Variants in SGCZ observed in about 807,000 individuals in gnomAD.
SGCZ encodes sarcoglycan zeta.
A neutral mutation model predicts 41.3 loss-of-function variants in SGCZ; 40 were observed. The ratio of observed to expected loss-of-function variants is 0.97; its 90% CI spans 0.75 to 1.26. The LOEUF is 1.26. Ranked by LOEUF, SGCZ falls within the 50% of genes most tolerant of loss-of-function variation. The pLI, the probability that SGCZ is intolerant of heterozygous loss-of-function variation, is 0.00. For synonymous variants in SGCZ, 206 were observed against 137.5 expected (o/e 1.50, Z -3.49); for missense variants, 552 against 369.8 (o/e 1.49, Z -4.04).
At chr8:14,127,224 G>C (rs1336437689) in intron 5 of SGCZ, among the ~76,000 whole-genome samples, 1 of 152,048 alleles carries the variant, frequency 6.6e-6, no homozygotes, top group Non-Finnish European at 1.5e-5. Flanking sequence ...AGAAAGCATA[G>C]GTCTGGTTCC....
chr8:14,202,970 T>C (rs955644894), intron 4 of SGCZ, among the ~76,000 whole-genome samples: 7 of 152,094 alleles, frequency 4.6e-5, no homozygotes, highest in African/African-American at 1.4e-4. Flanking sequence ...GGTGTTCTCG[T>C]GATAGTAAAT....
intron 1 of SGCZ, among the ~76,000 whole-genome samples, chr8:15,065,380 T>C (rs1241386055): frequency 6.6e-6 from 1 of 151,474 alleles, no homozygotes; most frequent in Non-Finnish European, 1.5e-5. Context: ...CTTACTGCTA[T>C]TATATCTATG....
At chr8:14,832,957 T>G (rs62493314) in intron 1 of SGCZ, among the ~76,000 whole-genome samples, 1 of 152,036 alleles carries the variant, frequency 6.6e-6, no homozygotes, top group Non-Finnish European at 1.5e-5. Flanking sequence ...CCATGAATTT[T>G]AAAATATTTC....
intron 1 of SGCZ, among the ~76,000 whole-genome samples, chr8:14,979,573 C>G (rs377692958): frequency 6.6e-6 from 1 of 152,158 alleles, no homozygotes; most frequent in African/African-American, 2.4e-5. Context: ...GAAAACTTTA[C>G]TTGATGTAAA....
chr8:14,993,789 C>G (rs1180587117), intron 1 of SGCZ, among the ~76,000 whole-genome samples: 1 of 152,180 alleles, frequency 6.6e-6, no homozygotes, highest in Admixed American at 6.5e-5. Flanking sequence ...TCAATGTTAA[C>G]AGACGCAAGA....
At chr8:14,174,387 G>C (rs2117007263) in intron 4 of SGCZ, among the ~76,000 whole-genome samples, 1 of 152,178 alleles carries the variant, frequency 6.6e-6, no homozygotes. Flanking sequence ...TTCTGGAGAA[G>C]AAAATGTGTT....
rs1052209251 is a variant in SGCZ at position 14,443,578 on chromosome 8, G to T, written c.234+111154C>A. Among the ~76,000 whole-genome samples the T allele has an allele frequency of 7.0e-4, 107 of 152,192 alleles. 1 individual carries two copies. The highest frequency in any genetic ancestry group is 2.3e-3 in the African/African-American group (96 of 41,536). On this transcript the variant is annotated intron_variant, in intron 2 of 7. Transcript: ENST00000382080. Reference sequence around the variant, plus strand: ...AATGGGGAAAGGATTTCCTATTTAAGAAATGGTGCTGGGAAAACTGGCTAG... The same window carrying T: ...AATGGGGAAAGGATTTCCTATTTAATAAATGGTGCTGGGAAAACTGGCTAG...
At chr8:14,485,650 G>A (rs17119369) in intron 2 of SGCZ, among the ~76,000 whole-genome samples, 102,656 of 151,892 alleles carry the variant, frequency 0.68, 35,816 homozygotes, top group East Asian at 0.79. Flanking sequence ...ACATGCGTGA[G>A]GACAGGGCAA....
At chr8:14,203,162 C>G (rs1805510745) in intron 4 of SGCZ, among the ~76,000 whole-genome samples, 1 of 152,140 alleles carries the variant, frequency 6.6e-6, no homozygotes, top group Non-Finnish European at 1.5e-5. Flanking sequence ...ATTGCCCAGT[C>G]CCAGATATGT....
chr8:14,242,930 G>T (rs927714700), intron 3 of SGCZ, among the ~76,000 whole-genome samples: 5 of 152,080 alleles, frequency 3.3e-5, no homozygotes, highest in Non-Finnish European at 5.9e-5. Flanking sequence ...TAAGCATTTT[G>T]GTCTCTAAAA....
chr8:14,613,633 A>G (rs1265029871), intron 1 of SGCZ, among the ~76,000 whole-genome samples: 1 of 152,230 alleles, frequency 6.6e-6, no homozygotes, highest in African/African-American at 2.4e-5. Context: ...TTGCAGGGGT[A>G]TACGCCATTA....
At chr8:14,189,626 G>A (rs1021615719) in intron 4 of SGCZ, among the ~76,000 whole-genome samples, 3 of 152,132 alleles carry the variant, frequency 2.0e-5, no homozygotes, top group Non-Finnish European at 4.4e-5. Flanking sequence ...GCTCAGCCCT[G>A]ACCACTGTCT....
intron 2 of SGCZ, among the ~76,000 whole-genome samples, chr8:14,391,548 G>A (rs1026053241): frequency 1.3e-5 from 2 of 152,114 alleles, no homozygotes; most frequent in South Asian, 4.1e-4. Flanking sequence ...GAAGTAGGAA[G>A]TGTGGCTAGA....
chr8:15,056,555 A>T (rs1353853314), intron 1 of SGCZ, among the ~76,000 whole-genome samples: 2 of 152,116 alleles, frequency 1.3e-5, no homozygotes, highest in Non-Finnish European at 2.9e-5. Flanking sequence ...AAAAAAAAAA[A>T]ACATTAGAAA....
intron 1 of SGCZ, among the ~76,000 whole-genome samples, chr8:15,020,170 T>C (rs1207605112): frequency 6.6e-6 from 1 of 152,134 alleles, no homozygotes; most frequent in African/African-American, 2.4e-5. Flanking sequence ...TCATCTCTAC[T>C]GAGTCATGCT....
chr8:14,813,220 G>C (rs922481219), intron 1 of SGCZ, among the ~76,000 whole-genome samples: 1 of 152,140 alleles, frequency 6.6e-6, no homozygotes, highest in Non-Finnish European at 1.5e-5. Context: ...CGATTTACCA[G>C]TCATCTTTGG....
chr8:15,045,157 A>G (rs958649256), intron 1 of SGCZ, among the ~76,000 whole-genome samples: 15 of 152,048 alleles, frequency 9.9e-5, no homozygotes, highest in African/African-American at 3.6e-4. Flanking sequence ...ATACCCAACC[A>G]GAGGAAGAAA....
At chr8:14,095,853 C>A (rs879003784) in intron 7 of SGCZ, among the ~76,000 whole-genome samples, 1 of 152,070 alleles carries the variant, frequency 6.6e-6, no homozygotes. Context: ...GTATTTCATT[C>A]TCTTTGTAGC....
chr8:14,895,617 C>A (rs1323593358), intron 1 of SGCZ, among the ~76,000 whole-genome samples: 3 of 152,042 alleles, frequency 2.0e-5, no homozygotes, highest in Non-Finnish European at 4.4e-5. Context: ...CATAACAGAA[C>A]AAAATACAAA....
Sources: allele counts gnomAD v4.1 joint callset (sites outside exome capture counted in the v4.1 genomes callset), GRCh38; gene constraint gnomAD v4.1.1; transcripts MANE v1.5; gene names NCBI Gene and HGNC (gene_info 2026-07-23, HGNC 2026-07-21).